Variants in DKK2 observed in about 807,000 individuals in gnomAD.
DKK2 encodes dickkopf Wnt signaling pathway inhibitor 2, also known as dickkopf-related protein 2.
DKK2 carries 11 observed loss-of-function variants against 28.1 expected under a neutral mutation model. The ratio of observed to expected loss-of-function variants is 0.39; its 90% CI spans 0.25 to 0.65. The LOEUF (loss-of-function observed/expected upper bound fraction) is 0.65. Ranked by LOEUF, DKK2 falls within the 30% of genes least tolerant of loss-of-function variation. The probability of loss-of-function intolerance (pLI) is 0.47; values close to 1 mark genes in which losing one functional copy is unlikely to be tolerated. For synonymous variants in DKK2, 135 were observed against 126.5 expected, an observed-to-expected ratio of 1.07 and a Z score of -0.45; for missense variants, 326 against 335.5, an observed-to-expected ratio of 0.97 and a Z score of 0.22.
At chr4:107,032,041 T>C (rs560030014) in intron 1 of DKK2, among the ~76,000 whole-genome samples, 66 of 152,102 alleles carry the variant, frequency 4.3e-4, no homozygotes, top group Admixed American at 2.2e-3. Flanking sequence ...TAAATATTTA[T>C]ATATTATGTA....
At chr4:106,928,411 T>C (rs1724453445) in intron 1 of DKK2, among the ~76,000 whole-genome samples, 2 of 152,308 alleles carry the variant, frequency 1.3e-5, no homozygotes, top group South Asian at 4.1e-4. Context: ...AACTTGTACT[T>C]GGAATGGAAT....
At chr4:106,950,754 TTTAAA>T in intron 1 of DKK2, among the ~76,000 whole-genome samples, 1 of 152,322 alleles carries the variant, frequency 6.6e-6, no homozygotes, top group Middle Eastern at 3.4e-3. Context: ...GAATTATTAC[TTTAAA>T]TTATTTAGCA....
At chr4:107,011,426 G>A (rs1205077886) in intron 1 of DKK2, among the ~76,000 whole-genome samples, 1 of 151,484 alleles carries the variant, frequency 6.6e-6, no homozygotes, top group East Asian at 1.9e-4. Context: ...AAATATACTT[G>A]CTAAATAATT....
chr4:106,965,031 CTT>C (rs1185351974), intron 1 of DKK2, among the ~76,000 whole-genome samples: 2 of 151,960 alleles, frequency 1.3e-5, no homozygotes, highest in South Asian at 2.1e-4. Flanking sequence ...TCTCTGGAAA[CTT>C]TGCCTGATAT....
intron 1 of DKK2, among the ~76,000 whole-genome samples, chr4:107,012,357 T>C (rs1723529179): frequency 6.6e-6 from 1 of 151,346 alleles, no homozygotes. Context: ...TCAGTATTTA[T>C]TTGTGTTGAG....
intron 1 of DKK2, among the ~76,000 whole-genome samples, chr4:107,008,366 C>A (rs985152009): frequency 1.3e-5 from 2 of 151,970 alleles, no homozygotes; most frequent in Non-Finnish European, 2.9e-5. Context: ...ATATTTAGAA[C>A]AGCAATAATT....
chr4:106,974,994 G>T (rs115218938), intron 1 of DKK2, among the ~76,000 whole-genome samples: 4,691 of 152,238 alleles, frequency 0.031, 82 homozygotes, highest in Middle Eastern at 0.045. Context: ...CATTTATTGA[G>T]ATAATCATGT....
chr4:106,991,075 A>G (rs1723197058), intron 1 of DKK2, among the ~76,000 whole-genome samples: 1 of 152,188 alleles, frequency 6.6e-6, no homozygotes, highest in Admixed American at 6.5e-5. Context: ...TCCTCTATAA[A>G]ACTTTTGAAA....
intron 1 of DKK2, among the ~76,000 whole-genome samples, chr4:106,963,268 G>A (rs1304661619): frequency 6.6e-6 from 1 of 151,474 alleles, no homozygotes; most frequent in Non-Finnish European, 1.5e-5. Context: ...CAGGAGAATC[G>A]CTTGAACCCT....
At chr4:107,016,301 T>C (rs1248534524) in intron 1 of DKK2, among the ~76,000 whole-genome samples, 4 of 151,828 alleles carry the variant, frequency 2.6e-5, no homozygotes, top group Non-Finnish European at 5.9e-5. Flanking sequence ...GTGTGGAAAA[T>C]AAAAGTTTTC....
chr4:106,987,859 C>T (rs78131467), intron 1 of DKK2, among the ~76,000 whole-genome samples: 4,498 of 149,018 alleles, frequency 0.03, 77 homozygotes, highest in Non-Finnish European at 0.045. Flanking sequence ...CATGATGTTA[C>T]TCTCTTCTTT....
chr4:107,005,068 T>G (rs1255172132), intron 1 of DKK2, among the ~76,000 whole-genome samples: 1 of 151,710 alleles, frequency 6.6e-6, no homozygotes, highest in Non-Finnish European at 1.5e-5. Flanking sequence ...TATATAAGAG[T>G]GCGGTGGCTC....
chr4:107,010,666 A>T (rs1578377459), intron 1 of DKK2, among the ~76,000 whole-genome samples: 1 of 151,470 alleles, frequency 6.6e-6, no homozygotes, highest in Non-Finnish European at 1.5e-5. Context: ...AACTCCTGAA[A>T]ATTTTTATTT....
intron 1 of DKK2, among the ~76,000 whole-genome samples, chr4:106,991,800 A>G (rs1723209177): frequency 6.6e-6 from 1 of 152,152 alleles, no homozygotes; most frequent in South Asian, 2.1e-4. Context: ...AACCTCATCC[A>G]TCATTGAGGT....
At chr4:107,030,416 T>A (rs1723859440) in intron 1 of DKK2, among the ~76,000 whole-genome samples, 1 of 152,066 alleles carries the variant, frequency 6.6e-6, no homozygotes, top group African/African-American at 2.4e-5. Context: ...ATGCAATATG[T>A]CTATCAATTA....
chr4:106,936,368 G>A (rs375186284), intron 1 of DKK2, among the ~76,000 whole-genome samples: 156 of 152,260 alleles, frequency 1.0e-3, no homozygotes, highest in Middle Eastern at 6.8e-3. Flanking sequence ...AGGTATCAGC[G>A]ATGGAAGATG....
At chr4:106,986,111 T>TA (rs1723116444) in intron 1 of DKK2, among the ~76,000 whole-genome samples, 1 of 152,176 alleles carries the variant, frequency 6.6e-6, no homozygotes, top group Admixed American at 6.5e-5. Flanking sequence ...AGTGTAATAA[T>TA]AAAATGGCAC....
chr4:106,940,757 C>T (rs1276060259), intron 1 of DKK2, among the ~76,000 whole-genome samples: 1 of 152,070 alleles, frequency 6.6e-6, no homozygotes, highest in African/African-American at 2.4e-5. Flanking sequence ...GGCACATATA[C>T]ACCACGGAAT....
intron 1 of DKK2, among the ~76,000 whole-genome samples, chr4:106,999,184 A>C (rs1260065098): frequency 6.6e-6 from 1 of 152,168 alleles, no homozygotes; most frequent in East Asian, 1.9e-4. Flanking sequence ...TAGGGTTGCT[A>C]TGACCCTCAC....
Sources: gnomAD v4.1 joint callset for allele counts (sites outside exome capture counted in the v4.1 genomes callset) on GRCh38, gnomAD v4.1.1 for gene constraint, MANE v1.5 for transcripts, NCBI Gene and HGNC (gene_info 2026-07-23, HGNC 2026-07-21) for gene names.